BAZ1A: variants seen among roughly 807,000 people sequenced by gnomAD.
The protein encoded by BAZ1A is bromodomain adjacent to zinc finger domain 1A.
A neutral mutation model predicts 185.2 loss-of-function variants in BAZ1A; 50 were observed. That is an observed-to-expected ratio of 0.27 (90% CI 0.22 to 0.34). BAZ1A has a LOEUF of 0.34. Ranked by LOEUF, BAZ1A falls within the 10% of genes least tolerant of loss-of-function variation. BAZ1A has a pLI of 1.00. For synonymous variants in BAZ1A, 571 were observed against 615.6 expected (o/e 0.93, Z 1.07); for missense variants, 1,356 against 1,839.9 (o/e 0.74, Z 4.81).
At chr14:34,803,545 A>G (rs916742032) in intron 6 of BAZ1A, among the ~76,000 whole-genome samples, 1 of 152,210 alleles carries the variant, frequency 6.6e-6, no homozygotes, top group Non-Finnish European at 1.5e-5. Flanking sequence ...AAATACCTCA[A>G]GAATGGTTGT....
intron 2 of BAZ1A, among the ~76,000 whole-genome samples, chr14:34,867,024 C>T (rs1157992559): frequency 6.6e-6 from 1 of 151,460 alleles, no homozygotes; most frequent in Non-Finnish European, 1.5e-5. Context: ...CTTTGGGAGG[C>T]CGAGGCAGGC....
intron 20 of BAZ1A, among the ~76,000 whole-genome samples, chr14:34,772,036 G>A (rs1316752092): frequency 6.6e-6 from 1 of 151,892 alleles, no homozygotes; most frequent in Non-Finnish European, 1.5e-5. Flanking sequence ...CTTACTGCAA[G>A]CTCTGCCTCC....
chr14:34,862,986 CTCTT>C (rs1313973093), intron 2 of BAZ1A, among the ~76,000 whole-genome samples: 11 of 120,058 alleles, frequency 9.2e-5, no homozygotes, highest in African/African-American at 2.2e-4. Context: ...TATCCACTCT[CTCTT>C]TTTTTTTTTT....
intron 3 of BAZ1A, among the ~76,000 whole-genome samples, chr14:34,830,769 CT>C (rs1296749026): frequency 0.068 from 8,704 of 128,342 alleles, 252 homozygotes; most frequent in Non-Finnish European, 0.11. Context: ...TCTACAACTC[CT>C]TTTTTTTTTT....
At chr14:34,824,994 C>G (rs539271820) in intron 4 of BAZ1A, among the ~76,000 whole-genome samples, 1 of 152,170 alleles carries the variant, frequency 6.6e-6, no homozygotes, top group African/African-American at 2.4e-5. Flanking sequence ...GTTGCAGACT[C>G]AGCTGAGATT....
Position 34,753,608 on chromosome 14 carries a change from G to A in BAZ1A, c.4571C>T (p.Ala1524Val), listed in dbSNP as rs766310187. 6.2e-7 allele frequency: 1 copy of A among 1,614,066 alleles called. No individual in the cohort carries two copies. The highest frequency in any genetic ancestry group is 8.5e-7 in the Non-Finnish European group (1 of 1,179,968). The part of the protein sequence containing the change: ...SEAKAGTRLQ[A>V]FFHIQAQKLG... ...CTTTTGAGCCTGAATATGAAAAAAT[G>A]CTTGAAGCCTAGTTCCAGCTTTTGC... Residue 1524 changes from alanine (A) to valine (V), a missense_variant, in exon 27 of 27, where the codon GCA (alanine) becomes GTA (valine). Ala to Val is a moderately conservative substitution (Grantham distance 64). Transcript: ENST00000360310.
At chr14:34,834,339 G>A (rs1306899128) in intron 3 of BAZ1A, among the ~76,000 whole-genome samples, 1 of 152,122 alleles carries the variant, frequency 6.6e-6, no homozygotes, top group East Asian at 1.9e-4. Context: ...GTGGTCATGA[G>A]GCAAATACAG....
chr14:34,781,454 T>G (rs2138602027), intron 16 of BAZ1A, among the ~76,000 whole-genome samples: 1 of 152,040 alleles, frequency 6.6e-6, no homozygotes, highest in Non-Finnish European at 1.5e-5. Flanking sequence ...ACATCTACTC[T>G]CTACTGATTT....
intron 12 of BAZ1A, among the ~76,000 whole-genome samples, chr14:34,792,214 T>C (rs1278105836): frequency 1.3e-5 from 2 of 152,040 alleles, no homozygotes; most frequent in East Asian, 3.9e-4. Context: ...TGAAACCCCG[T>C]CTCTATTTTA....
At chr14:34,812,858 A>C (rs2041949270) in intron 4 of BAZ1A, among the ~76,000 whole-genome samples, 1 of 152,212 alleles carries the variant, frequency 6.6e-6, no homozygotes, top group East Asian at 1.9e-4. Flanking sequence ...CAATAGCATT[A>C]AATTCTAAGT....
intron 3 of BAZ1A, among the ~76,000 whole-genome samples, chr14:34,859,916 T>A (rs2042741673): frequency 6.6e-6 from 1 of 152,082 alleles, no homozygotes; most frequent in Non-Finnish European, 1.5e-5. Flanking sequence ...ACCTCCACCC[T>A]CCCCAAACGC....
chr14:34,794,265 T>C (rs1312587727), intron 11 of BAZ1A, among the ~76,000 whole-genome samples: 1 of 152,260 alleles, frequency 6.6e-6, no homozygotes, highest in Non-Finnish European at 1.5e-5. Context: ...ATACTCATTA[T>C]AAATGTTTAT....
intron 6 of BAZ1A, among the ~76,000 whole-genome samples, chr14:34,806,480 A>G (rs1037165498): frequency 4.6e-5 from 7 of 152,148 alleles, no homozygotes; most frequent in African/African-American, 1.7e-4. Context: ...CCCAGGCTCA[A>G]GTGATCCTCC....
Position 34,759,799 on chromosome 14 carries a change from C to T in BAZ1A, c.4244-953G>A, listed in dbSNP as rs563036566. 1.6e-4 allele frequency among the ~76,000 whole-genome samples: 24 copies of T among 152,120 alleles called. No homozygotes were observed. The East Asian group carries it at 4.6e-3, about 29-fold the overall frequency. ...AAGCAATTCTCCTGCCTCAGCCTCC[C>T]GAGTAGCTGGGATTAAAGGTGCCTG... On this transcript the variant is annotated intron_variant, in intron 24 of 26. Coordinates refer to ENST00000360310, the MANE Select transcript of BAZ1A (RefSeq NM_013448.3).
Position 34,847,629 on chromosome 14 carries a change from T to A in BAZ1A, c.392+14415A>T, listed in dbSNP as rs557077369. On this transcript the variant is annotated intron_variant, in intron 3 of 26. Coordinates refer to ENST00000360310, the MANE Select transcript of BAZ1A (RefSeq NM_013448.3). ...TGGCATCCAAGCATGCATATTTAAA[T>A]CAAAATAACTGTATTTGTTTCTCGC... 5.9e-5 allele frequency among the ~76,000 whole-genome samples: 9 copies of A among 152,298 alleles called. No homozygotes were observed. The East Asian group carries it at 1.7e-3, about 29-fold the overall frequency.
chr14:34,795,627 T>A (rs201191403), intron 10 of BAZ1A, 43 bp downstream of exon 10: 1 of 1,380,676 alleles, frequency 7.2e-7, no homozygotes, highest in South Asian at 1.4e-5. Flanking sequence ...ACATAGGACA[T>A]GTAAAACCTA....
chr14:34,819,635 T>C (rs1230184538), intron 4 of BAZ1A, among the ~76,000 whole-genome samples: 1 of 152,234 alleles, frequency 6.6e-6, no homozygotes, highest in Non-Finnish European at 1.5e-5. Flanking sequence ...TGAATAATAG[T>C]CCATTGTCTT....
At chr14:34,806,053 A>G (rs1881840374) in intron 6 of BAZ1A, among the ~76,000 whole-genome samples, 1 of 152,036 alleles carries the variant, frequency 6.6e-6, no homozygotes, top group Non-Finnish European at 1.5e-5. Context: ...GTTTAACATT[A>G]AAATTTGTTT....
intron 2 of BAZ1A, among the ~76,000 whole-genome samples, chr14:34,868,333 A>C (rs988879690): frequency 6.6e-6 from 1 of 152,200 alleles, no homozygotes; most frequent in Non-Finnish European, 1.5e-5. Context: ...ATTATTTCAT[A>C]AGGAAAAGTT....
Sources: allele counts gnomAD v4.1 joint callset (sites outside exome capture counted in the v4.1 genomes callset), GRCh38; gene constraint gnomAD v4.1.1; transcripts MANE v1.5; gene names NCBI Gene and HGNC (gene_info 2026-07-23, HGNC 2026-07-21).